Variants in ARHGAP22 observed in about 807,000 individuals in gnomAD.
ARHGAP22 encodes Rho GTPase activating protein 22, also known as rho GTPase-activating protein 22.
ARHGAP22 carries 48 observed loss-of-function variants against 59.1 expected under a neutral mutation model. The observed-to-expected ratio is 0.81, with a 90% CI of 0.64 to 1.03. The LOEUF is 1.03. Ranked by LOEUF, ARHGAP22 falls within the 50% of genes least tolerant of loss-of-function variation. The pLI is 0.00. For synonymous variants in ARHGAP22, 445 were observed against 416.4 expected (o/e 1.07, Z -0.84); for missense variants, 1,015 against 958.7 (o/e 1.06, Z -0.78).
In ARHGAP22 at chr10:48,450,812, C is replaced by A. The variant is rs768318469; in HGVS notation, c.1317G>T (p.Ser439=). 1 of 1,581,796 alleles carries A rather than the reference C, an allele frequency of 6.3e-7. No individual in the cohort carries two copies. The highest frequency in any genetic ancestry group is 8.6e-7 in the Non-Finnish European group (1 of 1,164,666). The change falls in exon 9 of 10, where the codon TCG becomes TCT. Residue 439 remains serine (S), a synonymous_variant. Transcript: ENST00000249601. ...ATGAGCCGCCCCCCTTCGGGCTTCC[C>A]GATAGGGACCTCGGCTGCCGGAAGG... ...KSSFRQPRSL[S]GSPKGGGSSL...
chr10:48,485,134 G>T (rs1180922216), intron 3 of ARHGAP22, among the ~76,000 whole-genome samples: 1 of 152,154 alleles, frequency 6.6e-6, no homozygotes, highest in African/African-American at 2.4e-5. Context: ...CAGGTTGTAG[G>T]TTGCCGACTT....
chr10:48,643,562 T>C (rs1027810861), intron 1 of ARHGAP22, among the ~76,000 whole-genome samples: 1 of 146,962 alleles, frequency 6.8e-6, no homozygotes, highest in Non-Finnish European at 1.5e-5. Context: ...ATGAGAACAT[T>C]TGGACACACG....
intron 4 of ARHGAP22, among the ~76,000 whole-genome samples, chr10:48,468,901 A>T (rs1007299037): frequency 6.6e-6 from 1 of 152,110 alleles, no homozygotes; most frequent in African/African-American, 2.4e-5. Context: ...AGGTTGGTGC[A>T]GGGTGTCACA....
intron 4 of ARHGAP22, among the ~76,000 whole-genome samples, chr10:48,467,230 G>A (rs912397325): frequency 2.0e-5 from 3 of 152,182 alleles, no homozygotes; most frequent in African/African-American, 7.2e-5. Context: ...TTTGCCTAAG[G>A]TCATACAGCT....
intron 4 of ARHGAP22, among the ~76,000 whole-genome samples, chr10:48,472,997 A>G (rs914688416): frequency 1.3e-5 from 2 of 152,252 alleles, no homozygotes; most frequent in African/African-American, 4.8e-5. Flanking sequence ...TTCTGGGTAT[A>G]TACCCCAAAT....
intron 3 of ARHGAP22, chr10:48,510,387 T>C (rs955490499): frequency 2.0e-5 from 3 of 152,280 alleles, no homozygotes; most frequent in Non-Finnish European, 4.4e-5. Flanking sequence ...GGCTTACATC[T>C]AAGCCATTTT....
At chr10:48,541,240 C>T (rs981045153) in intron 3 of ARHGAP22, among the ~76,000 whole-genome samples, 5 of 152,144 alleles carry the variant, frequency 3.3e-5, no homozygotes, top group Admixed American at 3.3e-4. Flanking sequence ...CTGGGTCATT[C>T]AACCCCCACC....
At chr10:48,469,320 G>A (rs1410286073) in intron 4 of ARHGAP22, among the ~76,000 whole-genome samples, 1 of 152,248 alleles carries the variant, frequency 6.6e-6, no homozygotes, top group Non-Finnish European at 1.5e-5. Flanking sequence ...TAGCTGTGGG[G>A]CCTGTTGGGG....
At chr10:48,506,205 A>T (rs542493658) in intron 3 of ARHGAP22, among the ~76,000 whole-genome samples, 14 of 152,356 alleles carry the variant, frequency 9.2e-5, no homozygotes, top group Non-Finnish European at 1.6e-4. Flanking sequence ...CCGCTTAGTG[A>T]CAGGGATACG....
At chr10:48,629,956 T>C (rs2061573609) in intron 1 of ARHGAP22, among the ~76,000 whole-genome samples, 1 of 152,250 alleles carries the variant, frequency 6.6e-6, no homozygotes, top group African/African-American at 2.4e-5. Context: ...CTTTTGGTGC[T>C]ATTTTAAATG....
intron 1 of ARHGAP22, among the ~76,000 whole-genome samples, chr10:48,650,146 CTTTTT>C (rs11386532): frequency 2.4e-5 from 2 of 82,080 alleles, no homozygotes; most frequent in Non-Finnish European, 4.5e-5. Flanking sequence ...GCTGGAGACT[CTTTTT>C]TTTTTTTTTT....
chr10:48,466,166 C>T (rs563294492), intron 4 of ARHGAP22, among the ~76,000 whole-genome samples: 83 of 152,208 alleles, frequency 5.5e-4, no homozygotes, highest in African/African-American at 1.9e-3. Context: ...TCCCACACCC[C>T]TTCCTGTGGC....
rs1036855065 is a variant in ARHGAP22 at position 48,479,864 on chromosome 10, A to C, written c.323-100T>G. ...CATTACTCCCTGTGGGATATTCCCA[A>C]AGTCCTTCCAGCAACAGCTGAGCTT... On this transcript the variant is annotated intron_variant, in intron 3 of 9. Transcript: ENST00000249601. 2.2e-5 allele frequency: 27 copies of C among 1,216,220 alleles called. No homozygotes were observed. The Middle Eastern group carries it at 5.9e-4, about 26-fold the overall frequency. The allele number at this position is 1,216,220 out of a possible 1,614,324, so 75.3% of individuals were successfully genotyped here. A position where few individuals can be genotyped will look rare whatever the true frequency, so the allele number is the denominator to read the frequency against.
chr10:48,466,553 C>A (rs1372174509), intron 4 of ARHGAP22: 2 of 148,416 alleles, frequency 1.3e-5, no homozygotes, highest in African/African-American at 4.9e-5. Context: ...CCCGGGGGCG[C>A]CCGCACCCCG....
chr10:48,460,927 G>A (rs1188747705), intron 4 of ARHGAP22, among the ~76,000 whole-genome samples: 1 of 152,190 alleles, frequency 6.6e-6, no homozygotes, highest in Non-Finnish European at 1.5e-5. Context: ...AGAACCTGGA[G>A]TATTCAAATT....
rs368734811 is a variant in ARHGAP22, at chr10:48,623,118, C to A, written c.52+29116G>T. ...ACCCATGCCAGGGACTGCCAGCCTGCGGACATAGCCATCAGCTCTGGAGAC... is the reference window on the plus strand; with the variant it reads ...ACCCATGCCAGGGACTGCCAGCCTGAGGACATAGCCATCAGCTCTGGAGAC... On this transcript the variant is annotated intron_variant, in intron 1 of 9. Transcript: ENST00000435790. Among the ~76,000 whole-genome samples the A allele has an allele frequency of 2.0e-5, 3 of 152,358 alleles. No individual in the cohort carries two copies. The South Asian group carries it at 6.2e-4, about 32-fold the overall frequency.
intron 1 of ARHGAP22, among the ~76,000 whole-genome samples, chr10:48,632,093 A>G (rs772836205): frequency 2.0e-4 from 31 of 152,330 alleles, no homozygotes; most frequent in African/African-American, 6.5e-4. Context: ...ACTGTACCCA[A>G]TATGTAGTCT....
chr10:48,572,888 G>C (rs1410524378), intron 2 of ARHGAP22, among the ~76,000 whole-genome samples: 2 of 152,212 alleles, frequency 1.3e-5, no homozygotes, highest in African/African-American at 2.4e-5. Context: ...TTGTCAAATA[G>C]TCACAAAGAC....
chr10:48,494,113 C>A (rs1447468496), intron 3 of ARHGAP22, among the ~76,000 whole-genome samples: 1 of 152,200 alleles, frequency 6.6e-6, no homozygotes, highest in Non-Finnish European at 1.5e-5. Context: ...CTGGGCACGG[C>A]ACCTGCACGT....
Sources: gnomAD v4.1 joint callset for allele counts (sites outside exome capture counted in the v4.1 genomes callset) on GRCh38, gnomAD v4.1.1 for gene constraint, MANE v1.5 for transcripts, NCBI Gene and HGNC (gene_info 2026-07-23, HGNC 2026-07-21) for gene names.